The following DSCAML1 variants were observed in gnomAD, a reference collection of about 807,000 sequenced individuals.
DSCAML1 encodes the protein DS cell adhesion molecule like 1.
Under a neutral mutation model 200.5 loss-of-function variants are expected in DSCAML1, and 38 were observed. The ratio of observed to expected loss-of-function variants is 0.19; its 90% confidence interval spans 0.15 to 0.25. DSCAML1 has a LOEUF of 0.25. Ranked by LOEUF, DSCAML1 falls within the 10% of genes least tolerant of loss-of-function variation. DSCAML1 has a pLI of 1.00. For missense variants in DSCAML1, 2,223 were observed against 2,858.8 expected (o/e 0.78, Z 5.07); for synonymous variants, 1,215 against 1,165.0 (o/e 1.04, Z -0.87).
At chr11:117,734,350 A>G (rs1260322451) in intron 3 of DSCAML1, among the ~76,000 whole-genome samples, 1 of 152,176 alleles carries the variant, frequency 6.6e-6, no homozygotes, top group Non-Finnish European at 1.5e-5. Flanking sequence ...AGATGGGTCC[A>G]ATAGAGCCAT....
intron 3 of DSCAML1, among the ~76,000 whole-genome samples, chr11:117,576,954 T>C (rs1355892633): frequency 6.6e-6 from 1 of 152,236 alleles, no homozygotes; most frequent in Non-Finnish European, 1.5e-5. Flanking sequence ...ACTTTTCACA[T>C]GACTTGGGCT....
In DSCAML1 at chr11:117,484,885, CAGTGTG is replaced by C. The variant is rs1398108628; in HGVS notation, c.2360-2729_2360-2724del. Among the ~76,000 whole-genome samples, 14 of 107,900 alleles carry C rather than the reference CAGTGTG, an allele frequency of 1.3e-4. No individual in the cohort carries two copies. The South Asian group carries it at 2.4e-3, about 18-fold the overall frequency. The allele number at this position is 107,900 out of a possible 152,430, so 70.8% of individuals were successfully genotyped here. A position where few individuals can be genotyped will look rare whatever the true frequency, so the allele number is the denominator to read the frequency against. On this transcript the variant is annotated intron_variant, in intron 11 of 32. Coordinates refer to ENST00000651296, the MANE Select transcript of DSCAML1 (RefSeq NM_020693.4). ...CTGAAGCCACAGAGAAGCAGAGGAA[CAGTGTG>C]TGTGTGTGTGTGTGTGTGTGTGTGT...
intron 11 of DSCAML1, among the ~76,000 whole-genome samples, chr11:117,493,089 G>A (rs564185700): frequency 3.9e-5 from 6 of 152,292 alleles, no homozygotes; most frequent in African/African-American, 1.2e-4. Flanking sequence ...GTGTGCAAGG[G>A]GTAGGGGTGA....
intron 11 of DSCAML1, among the ~76,000 whole-genome samples, chr11:117,496,473 T>A (rs2049290386): frequency 6.6e-6 from 1 of 152,202 alleles, no homozygotes; most frequent in Non-Finnish European, 1.5e-5. Flanking sequence ...TGCATTTTCT[T>A]ATCTATTAAG....
chr11:117,509,069 C>T (rs1252283247), intron 8 of DSCAML1, among the ~76,000 whole-genome samples: 2 of 152,136 alleles, frequency 1.3e-5, no homozygotes, highest in African/African-American at 4.8e-5. Flanking sequence ...ACTTCAGCTA[C>T]AGACGGAGCC....
upstream of DSCAML1, among the ~76,000 whole-genome samples, chr11:117,800,669 G>A (rs1474993824): frequency 6.6e-6 from 1 of 152,164 alleles, no homozygotes; most frequent in Non-Finnish European, 1.5e-5. Context: ...AGAATGCTGG[G>A]TGATGATCTG....
intron 3 of DSCAML1, among the ~76,000 whole-genome samples, chr11:117,638,033 C>T (rs1234175571): frequency 6.6e-6 from 1 of 152,142 alleles, no homozygotes; most frequent in African/African-American, 2.4e-5. Flanking sequence ...AGGACATTAG[C>T]TCTGTGGAGG....
chr11:117,643,749 T>A (rs1053726062), intron 3 of DSCAML1, among the ~76,000 whole-genome samples: 2 of 152,048 alleles, frequency 1.3e-5, no homozygotes, highest in Admixed American at 1.3e-4. Context: ...GCACCATCCC[T>A]CTCGCCACCA....
At chr11:117,751,378 A>G (rs558640849) in intron 3 of DSCAML1, among the ~76,000 whole-genome samples, 1 of 150,902 alleles carries the variant, frequency 6.6e-6, no homozygotes, top group African/African-American at 2.5e-5. Context: ...CAAAGGCGAT[A>G]CGCTCACACC....
chr11:117,746,147 G>C (rs538991127), intron 3 of DSCAML1, among the ~76,000 whole-genome samples: 4 of 149,346 alleles, frequency 2.7e-5, no homozygotes, highest in African/African-American at 9.9e-5. Context: ...GCGTGAACCC[G>C]GGAGGCGGAG....
chr11:117,428,166 A>G lies in DSCAML1; in HGVS notation c.*162T>C. ...AAGAAGAAAATAGTTTCATTTGTAC[A>G]AAAGAGTTCTATGTACAGGCGTTCA... On this transcript the variant is annotated 3_prime_UTR_variant, in exon 33 of 33. Coordinates refer to ENST00000651296, the MANE Select transcript of DSCAML1 (RefSeq NM_020693.4). 1 of 567,640 alleles carries G rather than the reference A, an allele frequency of 1.8e-6. No individual in the cohort carries two copies. The highest frequency in any genetic ancestry group is 2.3e-5 in the South Asian group (1 of 44,100). The allele number at this position is 567,640 out of a possible 1,614,324, so 35.2% of individuals were successfully genotyped here.
intron 3 of DSCAML1, among the ~76,000 whole-genome samples, chr11:117,758,298 T>G (rs2054733400): frequency 7.3e-6 from 1 of 137,106 alleles, no homozygotes; most frequent in Non-Finnish European, 1.6e-5. Context: ...AGACTCCATC[T>G]CAAAAAAAAA....
chr11:117,805,051 T>A (rs2055697963), intron 1 of DSCAML1, among the ~76,000 whole-genome samples: 1 of 152,240 alleles, frequency 6.6e-6, no homozygotes, highest in South Asian at 2.1e-4. Flanking sequence ...TGTTGTCCAA[T>A]GTTTTGTTGG....
chr11:117,478,945 C>T (rs994331252), intron 14 of DSCAML1, among the ~76,000 whole-genome samples: 7 of 152,190 alleles, frequency 4.6e-5, no homozygotes, highest in Admixed American at 2.0e-4. Flanking sequence ...GCAACTCAAC[C>T]GGAAGTGTCT....
intron 3 of DSCAML1, among the ~76,000 whole-genome samples, chr11:117,596,988 G>A (rs1011498667): frequency 9.9e-5 from 15 of 152,116 alleles, no homozygotes; most frequent in African/African-American, 3.1e-4. Context: ...CCTTGGCATA[G>A]AACAGTGACT....
chr11:117,701,506 T>C (rs772470418), intron 3 of DSCAML1, among the ~76,000 whole-genome samples: 3 of 152,158 alleles, frequency 2.0e-5, no homozygotes, highest in Non-Finnish European at 2.9e-5. Flanking sequence ...ATGAGATGCA[T>C]CTGGAGGTAC....
chr11:117,697,986 G>A lies in DSCAML1; in HGVS notation c.511+78805C>T, dbSNP rs142200501. ...GGGGTTTCACCATGTTGCCCAGGAT[G>A]GTCTCGATCTCTTGACTTCGTGATC... On this transcript the variant is annotated intron_variant, in intron 3 of 32. Transcript: ENST00000651296. Among the ~76,000 whole-genome samples, 1,338 of 152,150 alleles carry A rather than the reference G, an allele frequency of 8.8e-3. 8 individuals are homozygous for A. Among genetic ancestry groups the A allele is most frequent in the African/African-American group, 0.02 (838 of 41,518 alleles).
intron 1 of DSCAML1, among the ~76,000 whole-genome samples, chr11:117,788,829 T>C (rs902906846): frequency 1.3e-5 from 2 of 152,232 alleles, no homozygotes; most frequent in African/African-American, 4.8e-5. Context: ...ATTTCACATC[T>C]TTATGCCAGG....
intron 1 of DSCAML1, among the ~76,000 whole-genome samples, chr11:117,782,507 A>G (rs2055282805): frequency 6.6e-6 from 1 of 152,218 alleles, no homozygotes; most frequent in Admixed American, 6.5e-5. Flanking sequence ...TGTGACAGTC[A>G]TAAAGTTGGT....
Sources: allele counts gnomAD v4.1 joint callset (sites outside exome capture counted in the v4.1 genomes callset), GRCh38; gene constraint gnomAD v4.1.1; transcripts MANE v1.5; gene names NCBI Gene and HGNC (gene_info 2026-07-23, HGNC 2026-07-21).